Variants in RBFOX1 observed in about 807,000 individuals in gnomAD.
RBFOX1 encodes the protein RNA binding protein fox-1 homolog 1.
A neutral mutation model predicts 57.7 loss-of-function variants in RBFOX1; 8 were observed. The observed-to-expected ratio is 0.14, with a 90% CI of 0.08 to 0.25. The LOEUF is 0.25. Among genes scored for constraint, RBFOX1 ranks in the 10% least tolerant of loss-of-function variants. The pLI is 1.00. For synonymous variants in RBFOX1, 326 were observed against 222.4 expected (o/e 1.47, Z -4.15); for missense variants, 611 against 548.5 (o/e 1.11, Z -1.14).
chr16:7,448,749 A>G (rs900717420), intron 4 of RBFOX1, among the ~76,000 whole-genome samples: 3 of 152,052 alleles, frequency 2.0e-5, no homozygotes, highest in Non-Finnish European at 2.9e-5. Context: ...CTCTGCCTGC[A>G]TTGTCACACA....
intron 1 of RBFOX1, among the ~76,000 whole-genome samples, chr16:6,188,800 C>T (rs1040424378): frequency 6.6e-6 from 1 of 152,104 alleles, no homozygotes; most frequent in Non-Finnish European, 1.5e-5. Context: ...ACCTTCCTAC[C>T]GCTGATACTT....
At chr16:5,528,565 T>TTC (rs1555457752) in intron 2 of RBFOX1, among the ~76,000 whole-genome samples, 1,563 of 135,290 alleles carry the variant, frequency 0.012, 57 homozygotes, top group African/African-American at 0.03. Context: ...TTTTTTTTTT[T>TTC]CTGGCTTCTT....
chr16:6,987,188 C>G (rs1235997864), intron 3 of RBFOX1, among the ~76,000 whole-genome samples: 1 of 151,980 alleles, frequency 6.6e-6, no homozygotes, highest in Admixed American at 6.6e-5. Context: ...AAGTGTTTTG[C>G]CAAGTCTTGA....
intron 4 of RBFOX1, among the ~76,000 whole-genome samples, chr16:7,088,797 C>A (rs989152135): frequency 3.9e-5 from 6 of 152,122 alleles, no homozygotes; most frequent in Admixed American, 2.6e-4. Flanking sequence ...AGCAGGTGTT[C>A]CCTGCTTTGC....
chr16:5,617,361 T>C (rs1214960407), intron 3 of RBFOX1, among the ~76,000 whole-genome samples: 1 of 152,132 alleles, frequency 6.6e-6, no homozygotes, highest in African/African-American at 2.4e-5. Flanking sequence ...CTTCACGAGT[T>C]TTCTGGCTCA....
At chr16:7,345,921 G>A (rs181850378) in intron 4 of RBFOX1, among the ~76,000 whole-genome samples, 27 of 152,184 alleles carry the variant, frequency 1.8e-4, no homozygotes, top group Admixed American at 5.2e-4. Flanking sequence ...TTGGTGTGCT[G>A]CACCCATTAA....
chr16:7,007,743 C>T (rs981861113), intron 3 of RBFOX1, among the ~76,000 whole-genome samples: 1 of 152,172 alleles, frequency 6.6e-6, no homozygotes, highest in African/African-American at 2.4e-5. Context: ...TGAAAATCAT[C>T]TCATTTCCCT....
chr16:5,423,210 C>T (rs915355511), intron 1 of RBFOX1, among the ~76,000 whole-genome samples: 1 of 151,946 alleles, frequency 6.6e-6, no homozygotes, highest in Non-Finnish European at 1.5e-5. Context: ...ATATTTTCCT[C>T]CGCTTCCCCC....
chr16:6,883,607 G>A (rs990389122), intron 3 of RBFOX1, among the ~76,000 whole-genome samples: 1 of 152,144 alleles, frequency 6.6e-6, no homozygotes, highest in Admixed American at 6.5e-5. Context: ...CCCTCAAGCT[G>A]TTCTACTCTG....
At chr16:6,656,943 C>G (rs2098660160) in intron 3 of RBFOX1, among the ~76,000 whole-genome samples, 1 of 69,154 alleles carries the variant, frequency 1.4e-5, no homozygotes, top group South Asian at 4.9e-4. Context: ...CTCTCCTCCC[C>G]TTTCCTCTCC....
intron 4 of RBFOX1, among the ~76,000 whole-genome samples, chr16:7,480,140 G>C (rs1226293327): frequency 6.6e-6 from 1 of 152,174 alleles, no homozygotes; most frequent in Non-Finnish European, 1.5e-5. Context: ...TGTTAAGCCT[G>C]TGTGTCTTGG....
intron 4 of RBFOX1, among the ~76,000 whole-genome samples, chr16:7,173,427 T>G (rs2081083921): frequency 1.3e-5 from 2 of 152,188 alleles, no homozygotes; most frequent in Non-Finnish European, 2.9e-5. Flanking sequence ...ATCTGTGCAT[T>G]CAGTGACTCT....
intron 4 of RBFOX1, among the ~76,000 whole-genome samples, chr16:5,905,821 C>G (rs2058442872): frequency 6.6e-6 from 1 of 152,278 alleles, no homozygotes; most frequent in South Asian, 2.1e-4. Context: ...GATCCACTCC[C>G]AAGCCCCAGC....
chr16:6,976,024 G>C (rs951790066), intron 3 of RBFOX1, among the ~76,000 whole-genome samples: 14 of 152,146 alleles, frequency 9.2e-5, no homozygotes, highest in Admixed American at 9.2e-4. Context: ...CTATTTGAGA[G>C]GCTGAGGGAA....
At chr16:7,230,505 C>T (rs2093435377) in intron 4 of RBFOX1, among the ~76,000 whole-genome samples, 3 of 152,252 alleles carry the variant, frequency 2.0e-5, no homozygotes, top group South Asian at 2.1e-4. Flanking sequence ...GCTGACCCAT[C>T]AGGCATGATG....
intron 3 of RBFOX1, among the ~76,000 whole-genome samples, chr16:6,924,805 A>G (rs543554968): frequency 9.4e-4 from 141 of 149,246 alleles, no homozygotes; most frequent in African/African-American, 3.1e-3. Context: ...AGCATTAGGT[A>G]TATCTCCTAA....
chr16:6,665,997 C>G (rs1433553276), intron 3 of RBFOX1, among the ~76,000 whole-genome samples: 4 of 152,058 alleles, frequency 2.6e-5, no homozygotes, highest in African/African-American at 4.8e-5. Flanking sequence ...CCACCCTGTT[C>G]TCATGGTAGT....
At chr16:6,816,168 A>G (rs919375015) in intron 3 of RBFOX1, among the ~76,000 whole-genome samples, 7 of 152,042 alleles carry the variant, frequency 4.6e-5, no homozygotes, top group African/African-American at 1.7e-4. Context: ...TTAATTAGGT[A>G]GGTGTGGTGA....
intron 5 of RBFOX1, among the ~76,000 whole-genome samples, chr16:7,528,798 C>A (rs1396801384): frequency 1.3e-5 from 2 of 152,144 alleles, no homozygotes; most frequent in Non-Finnish European, 2.9e-5. Flanking sequence ...GAATTCCATG[C>A]AATTTTTGAA....
Sources: gnomAD v4.1 joint callset for allele counts (sites outside exome capture counted in the v4.1 genomes callset) on GRCh38, gnomAD v4.1.1 for gene constraint, MANE v1.5 for transcripts, NCBI Gene and HGNC (gene_info 2026-07-23, HGNC 2026-07-21) for gene names.